Variants in UPF2 observed in about 807,000 individuals in gnomAD.
UPF2 encodes UPF2 regulator of nonsense mediated mRNA decay.
Under a neutral mutation model 141.4 loss-of-function variants are expected in UPF2, and 17 were observed. The ratio of observed to expected loss-of-function variants is 0.12; its 90% CI spans 0.08 to 0.18. The LOEUF (loss-of-function observed/expected upper bound fraction) is 0.18, where lower values mean the gene tolerates loss of function less well. Ranked by LOEUF, UPF2 falls within the 10% of genes least tolerant of loss-of-function variation. The probability of loss-of-function intolerance (pLI) is 1.00; values close to 1 mark genes in which losing one functional copy is unlikely to be tolerated. For synonymous variants in UPF2, 540 were observed against 498.0 expected (o/e 1.08, Z -1.12); for missense variants, 1,152 against 1,515.9 (o/e 0.76, Z 3.99).
chr10:11,938,853 G>GTTTTTGT (rs1832889893), intron 18 of UPF2, among the ~76,000 whole-genome samples: 3 of 79,816 alleles, frequency 3.8e-5, no homozygotes, highest in African/African-American at 1.5e-4. Context: ...TTTTTTTTTT[G>GTTTTTGT]TTTTTTTTTT....
intron 8 of UPF2, among the ~76,000 whole-genome samples, chr10:11,985,884 CTTTTT>C (rs746117868): frequency 9.9e-6 from 1 of 100,748 alleles, no homozygotes; most frequent in Non-Finnish European, 1.8e-5. Context: ...TAGATCCTTC[CTTTTT>C]TTTTTTTTTT....
chr10:12,007,991 T>C (rs1018493400), intron 4 of UPF2, among the ~76,000 whole-genome samples: 6 of 151,652 alleles, frequency 4.0e-5, no homozygotes, highest in African/African-American at 1.5e-4. Context: ...CAAGCAATTG[T>C]CTCACTTCAG....
At chr10:11,993,967 C>T (rs1048855361) in intron 8 of UPF2, among the ~76,000 whole-genome samples, 1 of 151,842 alleles carries the variant, frequency 6.6e-6, no homozygotes. Context: ...CAAGCCTAGG[C>T]AACAGAGCAG....
Position 11,987,761 on chromosome 10 carries a change from CAAAAAAAAAAAAAA to C in UPF2, c.1845-8610_1845-8597del, listed in dbSNP as rs572687103. Among the ~76,000 whole-genome samples the C allele has an allele frequency of 3.1e-3, 169 of 54,168 alleles. 1 individual carries two copies. The highest frequency in any genetic ancestry group is 4.2e-3 in the African/African-American group (52 of 12,374). The allele number at this position is 54,168 out of a possible 152,430, so 35.5% of individuals were successfully genotyped here. A position where few individuals can be genotyped will look rare whatever the true frequency, so the allele number is the denominator to read the frequency against. Reference sequence around the variant, plus strand: ...TGGGCGATAGAGCAAGACTCTGCCTCAAAAAAAAAAAAAAAAAAAAAAAAAAAAGGCTAAAGGAT... The same window carrying C: ...TGGGCGATAGAGCAAGACTCTGCCTCAAAAAAAAAAAAAAGGCTAAAGGAT... On this transcript the variant is annotated intron_variant, in intron 8 of 21. Transcript: ENST00000357604.
rs764801101 is a variant in UPF2, at chr10:11,921,436, C to T, written c.3810-129G>A. 1.6e-5 allele frequency: 18 copies of T among 1,101,802 alleles called. No homozygotes were observed. The highest frequency in any genetic ancestry group is 6.2e-5 in the Admixed American group (3 of 48,398). The allele number at this position is 1,101,802 out of a possible 1,614,324, so 68.3% of individuals were successfully genotyped here. A position where few individuals can be genotyped will look rare whatever the true frequency, so the allele number is the denominator to read the frequency against. Reference sequence around the variant, plus strand: ...AAGTTACAGGTGGCCCTGGCATCTGCGGGTTCCACATCCATGGACCAAAAA... The same window carrying T: ...AAGTTACAGGTGGCCCTGGCATCTGTGGGTTCCACATCCATGGACCAAAAA... On this transcript the variant is annotated intron_variant, in intron 21 of 21. Transcript: ENST00000357604. The surrounding 1 kb of genome is among the most constrained non-coding windows in gnomAD (Gnocchi z 5.9).
Position 12,004,698 on chromosome 10 carries a change from G to A in UPF2, c.1336C>T (p.Pro446Ser). 6.2e-7 allele frequency: 1 copy of A among 1,613,526 alleles called. No homozygotes were observed. Among genetic ancestry groups the A allele is most frequent in the Non-Finnish European group, 8.5e-7 (1 of 1,179,770 alleles). Residue 446 changes from proline to serine, a missense_variant, in exon 5 of 22, where the codon CCT becomes TCT. By Grantham distance (74) the Pro-to-Ser change is moderately conservative. Around this residue, in one of 4 missense-constraint regions of UPF2, gnomAD observed 739 missense variants for 1,032.2 expected, o/e 0.72. Coordinates refer to ENST00000357604, the MANE Select transcript of UPF2 (RefSeq NM_015542.4). ...AAGTCATATTCTCCAGGTTTACCAG[G>A]TGTGAATATATCAATTCCAGGCCCA... ...EHGPGIDIFT[P>S]GKPGEYDLEG...
chr10:11,967,204 T>C (rs1833335556), intron 10 of UPF2, 137 bp downstream of exon 10: 2 of 497,812 alleles, frequency 4.0e-6, no homozygotes, highest in Non-Finnish European at 6.8e-6. Flanking sequence ...TTTGCACACT[T>C]GTTTAACGTT....
intron 16 of UPF2, among the ~76,000 whole-genome samples, chr10:11,947,894 TTTAA>T (rs1004582124): frequency 3.3e-5 from 5 of 151,918 alleles, no homozygotes; most frequent in Non-Finnish European, 5.9e-5. Flanking sequence ...TTTAAAAACT[TTTAA>T]TTAAACAAGG....
intron 11 of UPF2, among the ~76,000 whole-genome samples, chr10:11,963,186 C>T (rs1362421434): frequency 3.3e-5 from 5 of 152,192 alleles, no homozygotes; most frequent in African/African-American, 7.2e-5. Context: ...CCCACAGTAT[C>T]CTCTGCAGCC....
chr10:12,006,872 CTG>C (rs1295966990), intron 4 of UPF2, among the ~76,000 whole-genome samples: 1 of 152,144 alleles, frequency 6.6e-6, no homozygotes, highest in African/African-American at 2.4e-5. Flanking sequence ...GGTGGAGTCT[CTG>C]GATGGTCTCT....
intron 14 of UPF2, among the ~76,000 whole-genome samples, chr10:11,952,600 G>C (rs1359818257): frequency 1.4e-5 from 2 of 145,594 alleles, no homozygotes; most frequent in Non-Finnish European, 3.0e-5. Flanking sequence ...TCAGCCTCCC[G>C]AGCAGCTGGG....
intron 18 of UPF2, 59 bp downstream of exon 18, chr10:11,942,606 G>T: frequency 6.6e-7 from 1 of 1,509,500 alleles, no homozygotes; most frequent in Non-Finnish European, 9.2e-7. Context: ...GAACCAGAAT[G>T]TAATGGGCTG....
At chr10:11,948,791 T>C (rs563487020) in intron 15 of UPF2, among the ~76,000 whole-genome samples, 2 of 152,348 alleles carry the variant, frequency 1.3e-5, no homozygotes, top group East Asian at 1.9e-4. Flanking sequence ...ACTTGGATAA[T>C]CTTGTATATC....
intron 1 of UPF2, among the ~76,000 whole-genome samples, chr10:12,041,267 A>T (rs900558307): frequency 2.0e-5 from 3 of 152,206 alleles, no homozygotes; most frequent in Admixed American, 1.3e-4. Context: ...CTTTCTCAAG[A>T]TAGTGAGGAG....
chr10:12,009,102 T>A (rs1834086828), intron 4 of UPF2, among the ~76,000 whole-genome samples: 1 of 152,174 alleles, frequency 6.6e-6, no homozygotes, highest in Admixed American at 6.5e-5. Flanking sequence ...TGATGGGCAT[T>A]TGGGTTGCTG....
chr10:11,938,873 T>TTTTTTTTTTTTTTTTTTTTTG (rs1832899256), intron 18 of UPF2, among the ~76,000 whole-genome samples: 1 of 108,502 alleles, frequency 9.2e-6, no homozygotes, highest in Non-Finnish European at 1.9e-5. Flanking sequence ...TTTTTTTTTT[T>TTTTTTTTTTTTTTTTTTTTTG]TTTTTTTTTG....
Position 11,955,480 on chromosome 10 carries a change from G to A in UPF2, c.2602C>T (p.Arg868Cys), listed in dbSNP as rs1411889066. ...EVNQPKFNQRRISSAKFLGEL... is the reference protein window; with the variant it reads ...EVNQPKFNQRCISSAKFLGEL... ...CCTAAGAACTTGGCACTGCTGATGC[G>A]CCTCTGATTAAATTTAGGTTGATTA... Residue 868 changes from arginine (R) to cysteine (C), a missense_variant, in exon 14 of 22, where the codon CGC becomes TGC. By Grantham distance (180) the Arg-to-Cys change is radical. Coordinates refer to ENST00000357604, the MANE Select transcript of UPF2 (RefSeq NM_015542.4). The A allele has an allele frequency of 1.9e-6, 3 of 1,612,576 alleles. No homozygotes were observed. Among genetic ancestry groups the A allele is most frequent in the Non-Finnish European group, 8.5e-7 (1 of 1,179,406 alleles).
intron 7 of UPF2, among the ~76,000 whole-genome samples, chr10:11,999,312 G>C (rs1441680811): frequency 6.6e-6 from 1 of 151,908 alleles, no homozygotes; most frequent in Non-Finnish European, 1.5e-5. Context: ...AGGAGTTCGA[G>C]ACCAGCCCAG....
At chr10:11,932,264 C>T (rs1418888412) in intron 19 of UPF2, among the ~76,000 whole-genome samples, 1 of 151,912 alleles carries the variant, frequency 6.6e-6, no homozygotes, top group Non-Finnish European at 1.5e-5. Context: ...CCATTTTTCC[C>T]CCTTTTTAGG....
Sources: allele counts gnomAD v4.1 joint callset (sites outside exome capture counted in the v4.1 genomes callset), GRCh38; gene constraint gnomAD v4.1.1; regional missense constraint gnomAD v4.1.1; non-coding constraint Gnocchi (gnomAD v3.1); transcripts MANE v1.5; gene names NCBI Gene and HGNC (gene_info 2026-07-23, HGNC 2026-07-21).